GABRG1: variants seen among roughly 807,000 people sequenced by gnomAD.
The protein encoded by GABRG1 is gamma-aminobutyric acid receptor subunit gamma-1.
In GABRG1, 49 loss-of-function variants were observed where a neutral mutation model predicts 49.8. That is an observed-to-expected ratio of 0.98 (90% CI 0.78 to 1.25). The LOEUF (loss-of-function observed/expected upper bound fraction) is 1.25. Ranked by LOEUF, GABRG1 falls within the 50% of genes most tolerant of loss-of-function variation. The pLI, the probability that GABRG1 is intolerant of heterozygous loss-of-function variation, is 0.00. For missense variants in GABRG1, 552 were observed against 552.3 expected, an observed-to-expected ratio of 1.00 and a Z score of 0.01; for synonymous variants, 232 against 185.1, an observed-to-expected ratio of 1.25 and a Z score of -2.06.
In GABRG1 at chr4:46,051,478, G is replaced by A; in HGVS notation, c.1077C>T (p.Ser359=). ...MEYGTLHYFT[S]NQKGKTATKD... The stretch of plus-strand genomic sequence containing the variant: ...TAGTAGCAGTCTTTCCTTTTTGGTT[G>A]CTGGTAAAATAATGCAAGGTTCCAT... The change falls in exon 8 of 9, where the codon AGC becomes AGT. Residue 359 remains serine, a synonymous_variant. Transcript: ENST00000295452. The A allele has an allele frequency of 6.2e-7, 1 of 1,610,284 alleles. No individual in the cohort carries two copies.
At chr4:46,096,402 T>A (rs2109430738) in intron 2 of GABRG1, among the ~76,000 whole-genome samples, 1 of 151,594 alleles carries the variant, frequency 6.6e-6, no homozygotes, top group African/African-American at 2.4e-5. Context: ...ACAGGAAGCT[T>A]CCAAAATACT....
chr4:46,110,492 C>T (rs1223007818), intron 1 of GABRG1, among the ~76,000 whole-genome samples: 1 of 150,906 alleles, frequency 6.6e-6, no homozygotes, highest in Non-Finnish European at 1.5e-5. Flanking sequence ...TAAGTCCTCT[C>T]TAACTAATTC....
At chr4:46,113,299 G>A (rs1428001098) in intron 1 of GABRG1, among the ~76,000 whole-genome samples, 3 of 151,108 alleles carry the variant, frequency 2.0e-5, no homozygotes, top group African/African-American at 7.3e-5. Flanking sequence ...AGGCAAAGGG[G>A]AAGCAAGGTA....
At chr4:46,075,555 G>A (rs1719295987) in intron 3 of GABRG1, among the ~76,000 whole-genome samples, 1 of 151,848 alleles carries the variant, frequency 6.6e-6, no homozygotes, top group Non-Finnish European at 1.5e-5. Flanking sequence ...CGAATCCCCT[G>A]GCCTGAGAAC....
intron 3 of GABRG1, among the ~76,000 whole-genome samples, chr4:46,073,596 T>C (rs1719219881): frequency 3.3e-5 from 5 of 152,028 alleles, no homozygotes. Context: ...GGAGCACGCT[T>C]CCTAAGTATG....
At chr4:46,062,970 A>T (rs985296454) in intron 5 of GABRG1, among the ~76,000 whole-genome samples, 2 of 151,606 alleles carry the variant, frequency 1.3e-5, no homozygotes, top group African/African-American at 4.9e-5. Context: ...AGGGACGTGA[A>T]GGACCTCTTC....
intron 2 of GABRG1, among the ~76,000 whole-genome samples, chr4:46,088,294 A>C (rs1719855926): frequency 6.6e-6 from 1 of 152,076 alleles, no homozygotes; most frequent in Admixed American, 6.6e-5. Context: ...ATTTAACAAG[A>C]TTTTGAATAT....
intron 7 of GABRG1, among the ~76,000 whole-genome samples, chr4:46,056,226 G>T (rs1194015660): frequency 1.4e-5 from 2 of 143,426 alleles, no homozygotes; most frequent in African/African-American, 5.1e-5. Context: ...CCTTAAAATG[G>T]CCCACAAAAA....
chr4:46,057,728 G>T (rs1163107089), intron 7 of GABRG1, among the ~76,000 whole-genome samples: 1 of 152,076 alleles, frequency 6.6e-6, no homozygotes, highest in Non-Finnish European at 1.5e-5. Flanking sequence ...ACAGAAGCCA[G>T]GGAGCGTCTT....
chr4:46,058,088 T>C, intron 7 of GABRG1, 129 bp downstream of exon 7: 1 of 752,720 alleles, frequency 1.3e-6, no homozygotes, highest in Non-Finnish European at 2.1e-6. Flanking sequence ...TGTCCCTTAG[T>C]TCCTGTCAAT....
intron 2 of GABRG1, among the ~76,000 whole-genome samples, chr4:46,088,232 T>A (rs1719854071): frequency 6.6e-6 from 1 of 152,064 alleles, no homozygotes; most frequent in Admixed American, 6.6e-5. Flanking sequence ...GTTTAGTGGA[T>A]GAAGTGCTTG....
rs1717589202 is a variant in GABRG1, at chr4:46,037,842, A to G, written c.*3146T>C. 1.3e-5 allele frequency: 2 copies of G among 151,656 alleles called. No homozygotes were observed. The highest frequency in any genetic ancestry group is 4.8e-5 in the African/African-American group (2 of 41,394). The allele number at this position is 151,656 out of a possible 1,614,324, so 9.4% of individuals were successfully genotyped here. ...GGAATATAATTTCACATTTATAACT[A>G]TGGGGCCCTTGGTGTGAGAGAACTG... On this transcript the variant is annotated 3_prime_UTR_variant, in exon 9 of 9. Coordinates refer to ENST00000295452, the MANE Select transcript of GABRG1 (RefSeq NM_173536.4).
Position 46,056,151 on chromosome 4 carries a change from T to TAAAAAAAA in GABRG1, c.916+2058_916+2065dup, listed in dbSNP as rs1182116080. On this transcript the variant is annotated intron_variant, in intron 7 of 8. Coordinates refer to ENST00000295452, the MANE Select transcript of GABRG1 (RefSeq NM_173536.4). Reference sequence around the variant, plus strand: ...AAAAAAAAAAAATAAATAAATAAATTAAAAAAAAAAAAAAAAAAAAAAAAA... The same window carrying TAAAAAAAA: ...AAAAAAAAAAAATAAATAAATAAATTAAAAAAAAAAAAAAAAAAAAAAAAAAAAAAAAA... Among the ~76,000 whole-genome samples the TAAAAAAAA allele has an allele frequency of 3.5e-3, 32 of 9,144 alleles. 2 individuals are homozygous for TAAAAAAAA. The highest frequency in any genetic ancestry group is 9.7e-3 in the African/African-American group (10 of 1,028). The allele number at this position is 9,144 out of a possible 152,430, so 6.0% of individuals were successfully genotyped here.
intron 1 of GABRG1, among the ~76,000 whole-genome samples, chr4:46,106,989 C>T (rs1720570292): frequency 6.6e-6 from 1 of 151,182 alleles, no homozygotes; most frequent in Non-Finnish European, 1.5e-5. Context: ...TACAGGCATG[C>T]GATGTGAAAT....
At chr4:46,080,957 G>A (rs1012267178) in intron 3 of GABRG1, among the ~76,000 whole-genome samples, 36 of 151,650 alleles carry the variant, frequency 2.4e-4, no homozygotes, top group African/African-American at 7.3e-4. Context: ...CCTATTACAC[G>A]TGTATATTAA....
chr4:46,063,614 G>T (rs1019482375), intron 5 of GABRG1, among the ~76,000 whole-genome samples: 1 of 152,074 alleles, frequency 6.6e-6, no homozygotes, highest in Admixed American at 6.5e-5. Context: ...CAGGATATAG[G>T]CATGGGCAAG....
chr4:46,123,001 T>G (rs1356187497), intron 1 of GABRG1, among the ~76,000 whole-genome samples: 1 of 151,878 alleles, frequency 6.6e-6, no homozygotes, highest in Non-Finnish European at 1.5e-5. Context: ...CTTAAACATT[T>G]TACTGAAAGG....
intron 5 of GABRG1, among the ~76,000 whole-genome samples, chr4:46,064,089 A>G: frequency 6.6e-6 from 1 of 152,270 alleles, no homozygotes; most frequent in Non-Finnish European, 1.5e-5. Context: ...TCTTGCCTCC[A>G]GGAACATGAA....
intron 1 of GABRG1, among the ~76,000 whole-genome samples, chr4:46,121,183 G>T (rs1449580257): frequency 6.6e-6 from 1 of 151,790 alleles, no homozygotes; most frequent in African/African-American, 2.4e-5. Context: ...CTTCCAATTT[G>T]GGAAGTCCCC....
Sources: gnomAD v4.1 joint callset for allele counts (sites outside exome capture counted in the v4.1 genomes callset) on GRCh38, gnomAD v4.1.1 for gene constraint, MANE v1.5 for transcripts, NCBI Gene and HGNC (gene_info 2026-07-23, HGNC 2026-07-21) for gene names.